Variants in DYNC1I1 observed in about 807,000 individuals in gnomAD.
DYNC1I1 encodes dynein cytoplasmic 1 intermediate chain 1, also known as cytoplasmic dynein 1 intermediate chain 1.
Under a neutral mutation model 86.6 loss-of-function variants are expected in DYNC1I1, and 43 were observed. That is an observed-to-expected ratio of 0.50 (90% CI 0.39 to 0.64). DYNC1I1 has a LOEUF of 0.64. Among genes scored for constraint, DYNC1I1 ranks in the 30% least tolerant of loss-of-function variants. DYNC1I1 has a pLI of 0.00. For missense variants in DYNC1I1, 604 were observed against 788.8 expected, an observed-to-expected ratio of 0.77 and a Z score of 2.81; for synonymous variants, 262 against 283.7, an observed-to-expected ratio of 0.92 and a Z score of 0.77.
chr7:95,814,063 C>T (rs565943263), intron 4 of DYNC1I1, among the ~76,000 whole-genome samples: 2 of 152,136 alleles, frequency 1.3e-5, no homozygotes, highest in Non-Finnish European at 2.9e-5. Flanking sequence ...CTGTCTTCAC[C>T]AGTGTTCCCA....
Position 96,097,512 on chromosome 7 carries a change from C to T in DYNC1I1, c.1806C>T (p.Thr602=). Residue 602 remains threonine, a synonymous_variant, in exon 17 of 17, where the codon ACC becomes ACT. Transcript: ENST00000447467. Reference sequence around the variant, plus strand: ...CAGTTCCCCACAATGATGAATGGACCCGATTTGCCAGGACCCTTGTGGAAA... The same window carrying T: ...CAGTTCCCCACAATGATGAATGGACTCGATTTGCCAGGACCCTTGTGGAAA... The part of the protein sequence containing the change: ...ELAVPHNDEW[T]RFARTLVEIR... The T allele has an allele frequency of 6.2e-7, 1 of 1,613,678 alleles. No homozygotes were observed. Among genetic ancestry groups the T allele is most frequent in the Non-Finnish European group, 8.5e-7 (1 of 1,179,728 alleles).
At position 95,793,710 on chromosome 7, in the gene DYNC1I1, AGTGG is replaced by A. The variant is rs1695807792; in HGVS notation, c.-9-11008_-9-11005del. ...TGTGTGAGAATTTGTGTTTTATGCC[AGTGG>A]GTTATGAGCTAATGGTCCCAGCCTG... On this transcript the variant is annotated intron_variant, in intron 1 of 16. Transcript: ENST00000447467. Among the ~76,000 whole-genome samples, 6 of 152,330 alleles carry A rather than the reference AGTGG, an allele frequency of 3.9e-5. No homozygotes were observed. The South Asian group carries it at 1.2e-3, about 32-fold the overall frequency.
At chr7:95,812,809 A>G (rs899420788) in intron 3 of DYNC1I1, among the ~76,000 whole-genome samples, 15 of 152,164 alleles carry the variant, frequency 9.9e-5, no homozygotes, top group African/African-American at 3.1e-4. Flanking sequence ...AAAATTATTC[A>G]GAATCACTTA....
chr7:95,959,319 A>G (rs990781257), intron 6 of DYNC1I1, among the ~76,000 whole-genome samples: 1 of 152,244 alleles, frequency 6.6e-6, no homozygotes, highest in Non-Finnish European at 1.5e-5. Context: ...AACTTCTTCC[A>G]GCAACATTGG....
At chr7:95,881,710 T>C (rs1234910183) in intron 6 of DYNC1I1, among the ~76,000 whole-genome samples, 1 of 152,242 alleles carries the variant, frequency 6.6e-6, no homozygotes, top group Non-Finnish European at 1.5e-5. Flanking sequence ...ATTGAGCCGA[T>C]GGCTCAAAGC....
chr7:95,926,913 A>C (rs1791760900), intron 6 of DYNC1I1, among the ~76,000 whole-genome samples: 1 of 152,220 alleles, frequency 6.6e-6, no homozygotes, highest in Admixed American at 6.5e-5. Flanking sequence ...TTTAGCAGAT[A>C]GATACAGAGT....
chr7:95,929,414 C>G (rs1791831593), intron 6 of DYNC1I1, among the ~76,000 whole-genome samples: 1 of 152,174 alleles, frequency 6.6e-6, no homozygotes, highest in African/African-American at 2.4e-5. Flanking sequence ...TTATACTCAT[C>G]TCTCCTACTT....
chr7:95,978,787 G>C (rs1793375803), intron 7 of DYNC1I1, among the ~76,000 whole-genome samples: 1 of 150,554 alleles, frequency 6.6e-6, no homozygotes, highest in Admixed American at 6.7e-5. Flanking sequence ...ATATCATATG[G>C]AGTTAAATGG....
At chr7:95,867,007 C>G (rs1414879031) in intron 5 of DYNC1I1, among the ~76,000 whole-genome samples, 2 of 152,184 alleles carry the variant, frequency 1.3e-5, no homozygotes, top group Non-Finnish European at 2.9e-5. Context: ...GGGATAAACA[C>G]ACTTACTCCA....
chr7:95,852,373 TTTTA>T (rs1789602216), intron 5 of DYNC1I1, among the ~76,000 whole-genome samples: 1 of 152,120 alleles, frequency 6.6e-6, no homozygotes, highest in South Asian at 2.1e-4. Context: ...ATATTTTTGA[TTTTA>T]TTTAAGTCTT....
chr7:96,011,892 G>A (rs1394967080), intron 10 of DYNC1I1, among the ~76,000 whole-genome samples: 10 of 152,124 alleles, frequency 6.6e-5, no homozygotes, highest in Admixed American at 6.6e-4. Flanking sequence ...AAGATAAGAC[G>A]GGATCCCTGT....
chr7:95,856,005 C>T (rs996200023), intron 5 of DYNC1I1, among the ~76,000 whole-genome samples: 30 of 152,304 alleles, frequency 2.0e-4, no homozygotes, highest in African/African-American at 7.0e-4. Flanking sequence ...CCTCAGTTTA[C>T]TGTGACTTTT....
chr7:96,092,640 G>T (rs576448880), intron 16 of DYNC1I1, among the ~76,000 whole-genome samples: 5 of 152,246 alleles, frequency 3.3e-5, no homozygotes, highest in Non-Finnish European at 1.5e-5. Flanking sequence ...CAGGGGTGAG[G>T]TGGGACCGGG....
rs574166976 is a variant in DYNC1I1 at position 95,886,317 on chromosome 7, C to A, written c.490+16319C>A. ...TGAGCGTGGTGTCATGTCTGTAGTC[C>A]CAGCTACTCAGGACACTGGGGCAGG... On this transcript the variant is annotated intron_variant, in intron 6 of 16. Coordinates refer to ENST00000447467, the MANE Select transcript of DYNC1I1 (RefSeq NM_001135556.2). Among the ~76,000 whole-genome samples, 37 of 152,026 alleles carry A rather than the reference C, an allele frequency of 2.4e-4. 2 individuals are homozygous for A. The South Asian group carries it at 7.3e-3, about 30-fold the overall frequency.
At chr7:96,080,581 A>G (rs2116268057) in intron 16 of DYNC1I1, 93 bp downstream of exon 16, 2 of 1,605,740 alleles carry the variant, frequency 1.2e-6, no homozygotes, top group South Asian at 1.1e-5. Context: ...GTAGGCCACA[A>G]GGACCCTCTC....
chr7:95,799,221 A>T (rs1470641940), intron 1 of DYNC1I1, among the ~76,000 whole-genome samples: 1 of 152,126 alleles, frequency 6.6e-6, no homozygotes, highest in Non-Finnish European at 1.5e-5. Flanking sequence ...CTATCAAAAA[A>T]TACAAAAATT....
chr7:95,803,248 A>G (rs1036729207), intron 1 of DYNC1I1, among the ~76,000 whole-genome samples: 9 of 152,254 alleles, frequency 5.9e-5, no homozygotes, highest in African/African-American at 2.2e-4. Flanking sequence ...TCAATAAGCC[A>G]AGATCTCAGA....
intron 6 of DYNC1I1, among the ~76,000 whole-genome samples, chr7:95,897,102 A>G (rs1790901021): frequency 6.6e-6 from 1 of 152,170 alleles, no homozygotes. Context: ...TTTAGGAAAA[A>G]GGGAAGCCTT....
At chr7:95,964,907 G>A (rs1392413477) in intron 6 of DYNC1I1, among the ~76,000 whole-genome samples, 1 of 152,194 alleles carries the variant, frequency 6.6e-6, no homozygotes, top group Non-Finnish European at 1.5e-5. Flanking sequence ...CAAAAGCTGT[G>A]AGGTGTGAGT....
Sources: allele counts gnomAD v4.1 joint callset (sites outside exome capture counted in the v4.1 genomes callset), GRCh38; gene constraint gnomAD v4.1.1; transcripts MANE v1.5; gene names NCBI Gene and HGNC (gene_info 2026-07-23, HGNC 2026-07-21).